The following CADPS variants were observed in gnomAD, a reference collection of about 807,000 sequenced individuals.
CADPS encodes the protein calcium dependent secretion activator, also known as calcium-dependent secretion activator 1.
In CADPS, 57 loss-of-function variants were observed where a neutral mutation model predicts 167.3. The observed-to-expected ratio is 0.34, with a 90% CI of 0.28 to 0.42. The LOEUF (loss-of-function observed/expected upper bound fraction) is 0.42, where lower values mean the gene tolerates loss of function less well. CADPS is among the 20% of genes least tolerant of loss of function. The probability of loss-of-function intolerance (pLI) is 1.00; values close to 1 mark genes in which losing one functional copy is unlikely to be tolerated. For synonymous variants in CADPS, 676 were observed against 635.3 expected (o/e 1.06, Z -0.96); for missense variants, 1,414 against 1,738.1 (o/e 0.81, Z 3.32).
In CADPS at chr3:62,604,007, T is replaced by C. The variant is rs1022004695; in HGVS notation, c.1326-11259A>G. ...ACGCCCGGCTAATTTTTTTTTTTTA[T>C]TTTTAGTGGAGACGGGGTTTCACTG... On this transcript the variant is annotated intron_variant, in intron 6 of 29. Transcript: ENST00000383710. Among the ~76,000 whole-genome samples, 4 of 149,430 alleles carry C rather than the reference T, an allele frequency of 2.7e-5. No homozygotes were observed. In the East Asian group the frequency reaches 7.9e-4, roughly 30 times the overall value.
At chr3:62,687,064 C>T (rs553433099) in intron 3 of CADPS, among the ~76,000 whole-genome samples, 2 of 152,226 alleles carry the variant, frequency 1.3e-5, no homozygotes, top group East Asian at 1.9e-4. Flanking sequence ...GGAACAGCCA[C>T]AAGCATGGGT....
intron 6 of CADPS, among the ~76,000 whole-genome samples, chr3:62,619,319 T>C (rs958759102): frequency 1.8e-4 from 28 of 152,132 alleles, no homozygotes; most frequent in African/African-American, 6.0e-4. Flanking sequence ...ACTTGAACCC[T>C]CAGGAACTTG....
intron 5 of CADPS, among the ~76,000 whole-genome samples, chr3:62,649,703 C>T (rs2069573387): frequency 1.3e-5 from 2 of 151,044 alleles, no homozygotes. Context: ...TGCACACCAT[C>T]ACACTCAGCT....
chr3:62,685,455 G>A (rs562223933), intron 3 of CADPS, among the ~76,000 whole-genome samples: 2 of 151,962 alleles, frequency 1.3e-5, no homozygotes, highest in Middle Eastern at 3.2e-3. Flanking sequence ...TTAGAAGAGA[G>A]AGGGACCTTA....
chr3:62,493,532 C>A, intron 19 of CADPS, 113 bp downstream of exon 19: 1 of 751,346 alleles, frequency 1.3e-6, no homozygotes, highest in Admixed American at 3.0e-5. Flanking sequence ...AGGGTTTGTT[C>A]AATGGCCAAG....
At chr3:62,596,317 T>G (rs112911158) in intron 6 of CADPS, among the ~76,000 whole-genome samples, 13,339 of 151,662 alleles carry the variant, frequency 0.088, 742 homozygotes, top group East Asian at 0.3. Flanking sequence ...TGCCTCAGCC[T>G]CCCAAGTAGC....
At chr3:62,521,868 C>A (rs994926714) in intron 13 of CADPS, among the ~76,000 whole-genome samples, 1 of 152,176 alleles carries the variant, frequency 6.6e-6, no homozygotes, top group African/African-American at 2.4e-5. Context: ...TAGAGGCCAG[C>A]CCCTCCCTTT....
chr3:62,466,219 T>A (rs2059919133), intron 25 of CADPS, 120 bp downstream of exon 25: 2 of 674,502 alleles, frequency 3.0e-6, no homozygotes, highest in Non-Finnish European at 5.2e-6. Context: ...ATGTACAATC[T>A]TGTTTCCTGA....
intron 13 of CADPS, among the ~76,000 whole-genome samples, chr3:62,518,485 T>C (rs1299491689): frequency 6.6e-6 from 1 of 152,232 alleles, no homozygotes; most frequent in East Asian, 1.9e-4. Context: ...TGGTAAAATG[T>C]ACAAACTGGT....
chr3:62,549,925 C>A lies in CADPS; in HGVS notation c.1944G>T (p.Leu648=), dbSNP rs780616154. Residue 648 remains leucine, a synonymous_variant, in exon 11 of 30, where the codon CTG becomes CTT. Transcript: ENST00000383710. The part of the protein sequence containing the change: ...LNAKGGNVPQ[L]DAPISQFYAD... The stretch of plus-strand genomic sequence containing the variant: ...TACAAAATTGAGAGATAGGGGCATC[C>A]AGCTGAGGTACATTTCCTCCCTTGG... 2 of 1,613,968 alleles carry A rather than the reference C, an allele frequency of 1.2e-6. No individual in the cohort carries two copies. The highest frequency in any genetic ancestry group is 8.5e-7 in the Non-Finnish European group (1 of 1,179,900).
intron 8 of CADPS, among the ~76,000 whole-genome samples, chr3:62,578,205 A>G (rs1458100304): frequency 6.8e-6 from 1 of 147,164 alleles, no homozygotes; most frequent in Non-Finnish European, 1.5e-5. Context: ...TTTTTTTTTT[A>G]CAAAAAAGGC....
chr3:62,583,469 C>T (rs961474082), intron 8 of CADPS, among the ~76,000 whole-genome samples: 1 of 152,068 alleles, frequency 6.6e-6, no homozygotes, highest in African/African-American at 2.4e-5. Context: ...CTAATTTAAT[C>T]GAAGAAAACC....
rs111461127 is a variant in CADPS at position 62,747,197 on chromosome 3, C to T, written c.888+6244G>A. ...ATAAAAGGGTTTAATATTAGCCTTCCGTCACTACTTCCCATCTCCAGATTT... is the reference window on the plus strand; with the variant it reads ...ATAAAAGGGTTTAATATTAGCCTTCTGTCACTACTTCCCATCTCCAGATTT... On this transcript the variant is annotated intron_variant, in intron 3 of 29. Coordinates refer to ENST00000383710, the MANE Select transcript of CADPS (RefSeq NM_003716.4). Among the ~76,000 whole-genome samples the T allele has an allele frequency of 1.3e-3, 199 of 152,300 alleles. 2 individuals carry two copies. Among genetic ancestry groups the T allele is most frequent in the African/African-American group, 4.4e-3 (181 of 41,556 alleles).
chr3:62,633,260 C>T (rs9825338), intron 6 of CADPS, among the ~76,000 whole-genome samples: 1 of 152,166 alleles, frequency 6.6e-6, no homozygotes, highest in Non-Finnish European at 1.5e-5. Flanking sequence ...CCATCATCGA[C>T]CACCACCCTG....
At chr3:62,618,525 T>C (rs2062687382) in intron 6 of CADPS, among the ~76,000 whole-genome samples, 1 of 152,194 alleles carries the variant, frequency 6.6e-6, no homozygotes, top group Non-Finnish European at 1.5e-5. Flanking sequence ...ATTGGAGTTC[T>C]GTTAATTGCA....
intron 1 of CADPS, among the ~76,000 whole-genome samples, chr3:62,861,735 C>T (rs1299068322): frequency 6.6e-6 from 1 of 152,168 alleles, no homozygotes; most frequent in African/African-American, 2.4e-5. Context: ...TGAAGTCTCC[C>T]ACTCCTTAAT....
chr3:62,852,275 C>T (rs1232828711), intron 1 of CADPS, among the ~76,000 whole-genome samples: 2 of 151,956 alleles, frequency 1.3e-5, no homozygotes, highest in East Asian at 1.9e-4. Context: ...TCTCTCAGCT[C>T]GTCAAAATCA....
At chr3:62,568,747 G>C (rs1232302061) in intron 9 of CADPS, among the ~76,000 whole-genome samples, 1 of 152,136 alleles carries the variant, frequency 6.6e-6, no homozygotes, top group African/African-American at 2.4e-5. Context: ...TATCCTATTG[G>C]TTCTGTCTCT....
chr3:62,525,561 C>T (rs2071869940), intron 13 of CADPS, among the ~76,000 whole-genome samples: 1 of 152,042 alleles, frequency 6.6e-6, no homozygotes, highest in Non-Finnish European at 1.5e-5. Flanking sequence ...TCAGTGCCTG[C>T]CTGCTATATA....
Sources: allele counts gnomAD v4.1 joint callset (sites outside exome capture counted in the v4.1 genomes callset), GRCh38; gene constraint gnomAD v4.1.1; transcripts MANE v1.5; gene names NCBI Gene and HGNC (gene_info 2026-07-23, HGNC 2026-07-21).